SLC10A7: variants seen among roughly 807,000 people sequenced by gnomAD.
The protein encoded by SLC10A7 is solute carrier family 10 member 7, also known as sodium/bile acid cotransporter 7.
A neutral mutation model predicts 43.2 loss-of-function variants in SLC10A7; 29 were observed. The observed-to-expected ratio is 0.67, with a 90% CI of 0.50 to 0.92. SLC10A7 has a LOEUF of 0.92. Ranked by LOEUF, SLC10A7 falls within the 40% of genes least tolerant of loss-of-function variation. SLC10A7 has a pLI of 0.00. For synonymous variants in SLC10A7, 152 were observed against 144.8 expected (o/e 1.05, Z -0.35); for missense variants, 295 against 403.2 (o/e 0.73, Z 2.30).
chr4:146,472,836 G>A (rs922726413), intron 4 of SLC10A7, among the ~76,000 whole-genome samples: 11 of 152,130 alleles, frequency 7.2e-5, no homozygotes, highest in Admixed American at 2.0e-4. Flanking sequence ...TTTCTGCATC[G>A]TTTCCAGAGG....
intron 5 of SLC10A7, among the ~76,000 whole-genome samples, chr4:146,340,330 A>C (rs1345840181): frequency 6.6e-6 from 1 of 151,916 alleles, no homozygotes; most frequent in African/African-American, 2.4e-5. Context: ...TTTTGGTATA[A>C]AAAGTTCAAC....
At chr4:146,308,969 G>C (rs776623854) in intron 6 of SLC10A7, among the ~76,000 whole-genome samples, 14 of 152,078 alleles carry the variant, frequency 9.2e-5, no homozygotes, top group Non-Finnish European at 1.6e-4. Context: ...TGACACTGCG[G>C]ATACAACTGT....
chr4:146,334,197 G>C (rs1365167225), intron 5 of SLC10A7, among the ~76,000 whole-genome samples: 1 of 152,068 alleles, frequency 6.6e-6, no homozygotes, highest in Non-Finnish European at 1.5e-5. Context: ...CCTCCAACTA[G>C]AGATACTGTG....
At chr4:146,383,481 G>A (rs1258786964) in intron 5 of SLC10A7, among the ~76,000 whole-genome samples, 1 of 152,146 alleles carries the variant, frequency 6.6e-6, no homozygotes, top group East Asian at 1.9e-4. Context: ...GTAAGCAATG[G>A]GAAATCTCTA....
intron 9 of SLC10A7, among the ~76,000 whole-genome samples, chr4:146,287,850 C>T (rs895907903): frequency 6.6e-6 from 1 of 152,174 alleles, no homozygotes; most frequent in African/African-American, 2.4e-5. Context: ...TACACTTTTC[C>T]TTTAGTAAAC....
intron 5 of SLC10A7, among the ~76,000 whole-genome samples, chr4:146,351,303 G>A (rs2149744334): frequency 6.6e-6 from 1 of 150,942 alleles, no homozygotes; most frequent in South Asian, 2.1e-4. Flanking sequence ...TGAAATGAAT[G>A]AAATGAAGCG....
intron 4 of SLC10A7, among the ~76,000 whole-genome samples, chr4:146,469,951 A>C (rs1242914908): frequency 6.6e-6 from 1 of 152,210 alleles, no homozygotes; most frequent in Non-Finnish European, 1.5e-5. Flanking sequence ...ACTTTAAAAC[A>C]AAACAAAGGC....
chr4:146,519,097 AT>A (rs373143317), intron 1 of SLC10A7, among the ~76,000 whole-genome samples: 15,753 of 78,488 alleles, frequency 0.2, 2,490 homozygotes, highest in East Asian at 0.33. Context: ...ATATATATAT[AT>A]ATATATATAT....
intron 5 of SLC10A7, among the ~76,000 whole-genome samples, chr4:146,379,544 T>G (rs544524242): frequency 6.6e-6 from 1 of 152,306 alleles, no homozygotes; most frequent in East Asian, 1.9e-4. Context: ...TTTTGTCTCA[T>G]GTAATTGGCT....
At chr4:146,511,555 G>A (rs1737468407) in intron 2 of SLC10A7, among the ~76,000 whole-genome samples, 1 of 152,176 alleles carries the variant, frequency 6.6e-6, no homozygotes, top group South Asian at 2.1e-4. Context: ...CACATTCTGA[G>A]ATTAGTCTCA....
chr4:146,350,063 A>G (rs570837241), intron 5 of SLC10A7, among the ~76,000 whole-genome samples: 2 of 152,172 alleles, frequency 1.3e-5, no homozygotes, highest in South Asian at 2.1e-4. Flanking sequence ...TCCCGTCTAC[A>G]GCTCCCAGCG....
chr4:146,436,699 G>C (rs866253322), intron 5 of SLC10A7, among the ~76,000 whole-genome samples: 2 of 151,988 alleles, frequency 1.3e-5, no homozygotes, highest in African/African-American at 2.4e-5. Flanking sequence ...TCAATCCTTT[G>C]GATTGCAGAA....
chr4:146,422,342 A>T (rs1016322918), intron 5 of SLC10A7, among the ~76,000 whole-genome samples: 4 of 152,214 alleles, frequency 2.6e-5, no homozygotes, highest in African/African-American at 9.6e-5. Flanking sequence ...CATTTCATAG[A>T]ACATAATTTA....
rs571116521 is a variant in SLC10A7, at chr4:146,401,115, CTGAAGTCATTCAGCAATGATCA to C, written c.435+41646_435+41667del. ...GTAAGGAATCAGAGAGGAGCATCAG[CTGAAGTCATTCAGCAATGATCA>C]ATCAGTATTTTTCTGAGAGATCATA... On this transcript the variant is annotated intron_variant, in intron 5 of 11. Transcript: ENST00000335472. Among the ~76,000 whole-genome samples the C allele has an allele frequency of 5.3e-5, 8 of 152,244 alleles. No individual in the cohort carries two copies. In the South Asian group the frequency reaches 1.4e-3, roughly 28 times the overall value.
At chr4:146,314,601 C>T (rs1452301736) in intron 6 of SLC10A7, among the ~76,000 whole-genome samples, 1 of 152,088 alleles carries the variant, frequency 6.6e-6, no homozygotes, top group African/African-American at 2.4e-5. Context: ...AGCATGTAGG[C>T]CAATGTTTGT....
At chr4:146,291,274 T>C (rs1417298211) in intron 9 of SLC10A7, among the ~76,000 whole-genome samples, 2 of 152,254 alleles carry the variant, frequency 1.3e-5, no homozygotes, top group Non-Finnish European at 2.9e-5. Context: ...CTTTCAGACT[T>C]ACCCAATTAA....
chr4:146,303,435 T>A (rs1578832902), intron 7 of SLC10A7, among the ~76,000 whole-genome samples: 1 of 149,684 alleles, frequency 6.7e-6, no homozygotes, highest in Non-Finnish European at 1.5e-5. Flanking sequence ...TGGAGTGCGG[T>A]GGCACAATCT....
At chr4:146,439,789 G>T (rs1730460965) in intron 5 of SLC10A7, among the ~76,000 whole-genome samples, 1 of 152,102 alleles carries the variant, frequency 6.6e-6, no homozygotes, top group African/African-American at 2.4e-5. Flanking sequence ...TCTAGCTCCA[G>T]AAACCATACT....
intron 5 of SLC10A7, among the ~76,000 whole-genome samples, chr4:146,416,903 T>A (rs1405949190): frequency 6.6e-6 from 1 of 152,148 alleles, no homozygotes; most frequent in East Asian, 1.9e-4. Context: ...AATATCCCCA[T>A]GGCTTGCTCT....
Sources: allele counts gnomAD v4.1 joint callset (sites outside exome capture counted in the v4.1 genomes callset), GRCh38; gene constraint gnomAD v4.1.1; transcripts MANE v1.5; gene names NCBI Gene and HGNC (gene_info 2026-07-23, HGNC 2026-07-21).